THBS1: variants seen among roughly 807,000 people sequenced by gnomAD.
The protein encoded by THBS1 is thrombospondin 1, also known as thrombospondin-1.
In THBS1, 29 loss-of-function variants were observed where a neutral mutation model predicts 126.1. The observed-to-expected ratio is 0.23, with a 90% CI of 0.17 to 0.31. The LOEUF (loss-of-function observed/expected upper bound fraction) is 0.31. Among genes scored for constraint, THBS1 ranks in the 10% least tolerant of loss-of-function variants. The pLI is 1.00. For missense variants in THBS1, 1,198 were observed against 1,545.2 expected, an observed-to-expected ratio of 0.78 and a Z score of 3.77; for synonymous variants, 496 against 577.8, an observed-to-expected ratio of 0.86 and a Z score of 2.03.
At position 39,589,456 on chromosome 15, in the gene THBS1, A is replaced by G. The variant is rs1890284063; in HGVS notation, c.1926+102A>G. The G allele has an allele frequency of 2.1e-6, 3 of 1,442,266 alleles. No individual in the cohort carries two copies. The highest frequency in any genetic ancestry group is 4.6e-5 in the Admixed American group (2 of 43,220). The allele number at this position is 1,442,266 out of a possible 1,614,324, so 89.3% of individuals were successfully genotyped here. A position where few individuals can be genotyped will look rare whatever the true frequency, so the allele number is the denominator to read the frequency against. On this transcript the variant is annotated intron_variant, in intron 12 of 21. Coordinates refer to ENST00000260356, the MANE Select transcript of THBS1 (RefSeq NM_003246.4). This position sits in a 1 kb window ranked among gnomAD's most constrained non-coding sequence, Gnocchi z 4.7. Reference sequence around the variant, plus strand: ...TAATTTCATACCCTTCACCAAAAAAAAAAGGGCGAGGAGATGAATGTACGG... The same window carrying G: ...TAATTTCATACCCTTCACCAAAAAAGAAAGGGCGAGGAGATGAATGTACGG...
intron 7 of THBS1, among the ~76,000 whole-genome samples, chr15:39,586,166 A>AT (rs1890204490): frequency 6.6e-6 from 1 of 152,224 alleles, no homozygotes. Context: ...AAAGTGATTC[A>AT]TTACAACTAA....
rs1890387841 is a variant in THBS1 at position 39,594,263 on chromosome 15, A to C, written c.3366-38A>C. ...GGGACAAAAAGACAAAAAGTATTAAATAGCATTGTCACTAAACAAGATTTT... is the reference window on the plus strand; with the variant it reads ...GGGACAAAAAGACAAAAAGTATTAACTAGCATTGTCACTAAACAAGATTTT... On this transcript the variant is annotated intron_variant, in intron 20 of 21. Coordinates refer to ENST00000260356, the MANE Select transcript of THBS1 (RefSeq NM_003246.4). The surrounding 1 kb of genome is among the most constrained non-coding windows in gnomAD (Gnocchi z 4.4). The C allele has an allele frequency of 6.2e-7, 1 of 1,614,022 alleles. No individual in the cohort carries two copies. Among genetic ancestry groups the C allele is most frequent in the African/African-American group, 1.3e-5 (1 of 75,030 alleles).
rs1010062041 is a variant in THBS1, at chr15:39,598,462, A to C, written c.*3093A>C. On this transcript the variant is annotated 3_prime_UTR_variant, in exon 22 of 22. Transcript: ENST00000260356. ...GAAATAATTCTTTGAAATGGCAAAGAATTAAATACCATCATTCATTATCAG... is the reference window on the plus strand; with the variant it reads ...GAAATAATTCTTTGAAATGGCAAAGCATTAAATACCATCATTCATTATCAG... 6.6e-6 allele frequency: 1 copy of C among 152,248 alleles called. No homozygotes were observed. The highest frequency in any genetic ancestry group is 2.4e-5 in the African/African-American group (1 of 41,458). The allele number at this position is 152,248 out of a possible 1,614,324, so 9.4% of individuals were successfully genotyped here.
At chr15:39,595,093 T>C (rs1208124029) in intron 21 of THBS1, among the ~76,000 whole-genome samples, 1 of 152,250 alleles carries the variant, frequency 6.6e-6, no homozygotes, top group East Asian at 1.9e-4. Flanking sequence ...TGAGTCCAAA[T>C]TTTTAAAATA....
At chr15:39,584,223 CCCTGGAAGGTTTATCGCAGAT>C in intron 5 of THBS1, 36 bp downstream of exon 5, 1 of 1,614,038 alleles carries the variant, frequency 6.2e-7, no homozygotes, top group African/African-American at 1.3e-5. Context: ...TTAGCATGAA[CCCTGGAAGGTTTATCGCAGAT>C]GGTCCCAAAT....
rs765604204 is a variant in THBS1 at position 39,582,403 on chromosome 15, C to T, written c.278C>T (p.Ser93Phe). 3.9e-5 allele frequency: 63 copies of T among 1,613,998 alleles called. No individual in the cohort carries two copies. Among genetic ancestry groups the T allele is most frequent in the Non-Finnish European group, 5.3e-5 (62 of 1,180,000 alleles). Residue 93 changes from serine to phenylalanine, a missense_variant, in exon 3 of 22, where the codon TCC becomes TTC. Ser to Phe is a radical substitution (Grantham distance 155, BLOSUM62 -2). Coordinates refer to ENST00000260356, the MANE Select transcript of THBS1 (RefSeq NM_003246.4). ...GAAAAGGGTTTCCTCCTTCTGGCAT[C>T]CCTGAGGCAGATGAAGAAGACCCGG... ...RAEKGFLLLA[S>F]LRQMKKTRGT...
At position 39,593,754 on chromosome 15, in the gene THBS1, C is replaced by G. The variant is rs1890377072; in HGVS notation, c.3267+86C>G. On this transcript the variant is annotated intron_variant, in intron 19 of 21. Coordinates refer to ENST00000260356, the MANE Select transcript of THBS1 (RefSeq NM_003246.4). This position sits in a 1 kb window ranked among gnomAD's most constrained non-coding sequence, Gnocchi z 5.9. Reference sequence around the variant, plus strand: ...TGCTGTGCTTTGACCAAGACTCTGACCAGGGAGTCTTAGAAAGTTCCCAGC... The same window carrying G: ...TGCTGTGCTTTGACCAAGACTCTGAGCAGGGAGTCTTAGAAAGTTCCCAGC... 1 of 1,525,364 alleles carries G rather than the reference C, an allele frequency of 6.6e-7. No individual in the cohort carries two copies. The highest frequency in any genetic ancestry group is 1.3e-5 in the South Asian group (1 of 78,626). The allele number at this position is 1,525,364 out of a possible 1,614,324, so 94.5% of individuals were successfully genotyped here. A position where few individuals can be genotyped will look rare whatever the true frequency, so the allele number is the denominator to read the frequency against.
rs367765799 is a variant in THBS1 at position 39,584,267 on chromosome 15, G to A, written c.904-33G>A. On this transcript the variant is annotated intron_variant, in intron 5 of 21. Transcript: ENST00000260356. ...GATGGTCCCAAATGACTGAAAATGC[G>A]GGGGGACACTAATGATATTCTCTCC... 1.0e-4 allele frequency: 168 copies of A among 1,613,966 alleles called. 1 individual carries two copies. The Admixed American group carries it at 1.8e-3, about 17-fold the overall frequency.
chr15:39,590,073 T>C, intron 13 of THBS1, 50 bp downstream of exon 13: 2 of 1,435,590 alleles, frequency 1.4e-6, no homozygotes, highest in Non-Finnish European at 1.9e-6. Flanking sequence ...CATCACCTTA[T>C]CAAAACACAG....
rs777143065 is a variant in THBS1 at position 39,582,456 on chromosome 15, G to A, written c.331G>A (p.Asp111Asn). The change falls in exon 3 of 22, where the codon GAC (aspartate) becomes AAC (asparagine). Residue 111 changes from aspartate (D) to asparagine (N), a missense_variant. Asp to Asn is a conservative substitution (Grantham distance 23). Around this residue, in one of 4 missense-constraint regions of THBS1, gnomAD observed 271 missense variants for 277.0 expected, o/e 0.98. Coordinates refer to ENST00000260356, the MANE Select transcript of THBS1 (RefSeq NM_003246.4). ...CACGCTGCTGGCCCTGGAGCGGAAAGACCACTCTGGCCAGGTCTTCAGCGT... is the reference window on the plus strand; with the variant it reads ...CACGCTGCTGGCCCTGGAGCGGAAAAACCACTCTGGCCAGGTCTTCAGCGT... Reference protein sequence around the residue: ...RGTLLALERKDHSGQVFSVVS... With the variant: ...RGTLLALERKNHSGQVFSVVS... The A allele has an allele frequency of 6.2e-7, 1 of 1,614,160 alleles. No homozygotes were observed. Among genetic ancestry groups the A allele is most frequent in the Non-Finnish European group, 8.5e-7 (1 of 1,180,014 alleles).
chr15:39,589,383 G>A lies in THBS1; in HGVS notation c.1926+29G>A. The A allele has an allele frequency of 1.2e-6, 2 of 1,612,422 alleles. No homozygotes were observed. Among genetic ancestry groups the A allele is most frequent in the Non-Finnish European group, 1.7e-6 (2 of 1,179,400 alleles). Reference sequence around the variant, plus strand: ...CAGTCAACTAGACGAGTAAACCAGAGGACAGGAGAGCTGTCCTTGACCAAA... The same window carrying A: ...CAGTCAACTAGACGAGTAAACCAGAAGACAGGAGAGCTGTCCTTGACCAAA... On this transcript the variant is annotated intron_variant, in intron 12 of 21. Transcript: ENST00000260356. This position sits in a 1 kb window ranked among gnomAD's most constrained non-coding sequence, Gnocchi z 4.7.
At chr15:39,591,817 T>C (rs1428970878) in intron 16 of THBS1, among the ~76,000 whole-genome samples, 194 bp downstream of exon 16, 1 of 152,212 alleles carries the variant, frequency 6.6e-6, no homozygotes, top group East Asian at 1.9e-4. Context: ...CTCACAGATC[T>C]TTAGCATGAA....
rs1438591335 is a variant in THBS1 at position 39,589,376 on chromosome 15, AACCAGAGG to A, written c.1926+25_1926+32del. ...ACAGGTACAGTCAACTAGACGAGTA[AACCAGAGG>A]ACAGGAGAGCTGTCCTTGACCAAAA... is the stretch of plus-strand genomic sequence containing the variant. On this transcript the variant is annotated intron_variant, in intron 12 of 21. Coordinates refer to ENST00000260356, the MANE Select transcript of THBS1 (RefSeq NM_003246.4). The surrounding 1 kb of genome is among the most constrained non-coding windows in gnomAD (Gnocchi z 4.7). 6.2e-7 allele frequency: 1 copy of A among 1,613,500 alleles called. No individual in the cohort carries two copies. Among genetic ancestry groups the A allele is most frequent in the Non-Finnish European group, 8.5e-7 (1 of 1,179,912 alleles).
rs1224053284 is a variant in THBS1 at position 39,589,143 on chromosome 15, A to G, written c.1773+57A>G. 8.1e-6 allele frequency: 13 copies of G among 1,612,866 alleles called. No individual in the cohort carries two copies. The highest frequency in any genetic ancestry group is 5.0e-5 in the Admixed American group (3 of 60,002). ...ATCTAGGAAAGCAGCTAACCTGTGC[A>G]GTCGCTTCCTTATGGCAGTGACTTC... On this transcript the variant is annotated intron_variant, in intron 11 of 21. Coordinates refer to ENST00000260356, the MANE Select transcript of THBS1 (RefSeq NM_003246.4). This position sits in a 1 kb window ranked among gnomAD's most constrained non-coding sequence, Gnocchi z 4.7.
chr15:39,593,416 T>A lies in THBS1; in HGVS notation c.3015T>A (p.Ala1005=). 6.2e-7 allele frequency: 1 copy of A among 1,614,196 alleles called. No homozygotes were observed. The change falls in exon 19 of 22, where the codon GCT becomes GCA. Residue 1005 remains alanine (A), a synonymous_variant. Coordinates refer to ENST00000260356, the MANE Select transcript of THBS1 (RefSeq NM_003246.4). This position sits in a 1 kb window ranked among gnomAD's most constrained non-coding sequence, Gnocchi z 5.9. ...TTCCAGGTTATGATGAGTTTAATGC[T>A]GTGGACTTCAGTGGCACCTTCTTCA... ...GLAVGYDEFN[A]VDFSGTFFIN...
chr15:39,582,451 G>A lies in THBS1; in HGVS notation c.326G>A (p.Arg109Gln), dbSNP rs760740907. 5.1e-5 allele frequency: 82 copies of A among 1,614,152 alleles called. 1 individual carries two copies. Among genetic ancestry groups the A allele is most frequent in the Middle Eastern group, 3.3e-4 (2 of 6,062 alleles). ...KTRGTLLALE[R>Q]KDHSGQVFSV... is the part of the protein sequence containing the mutation. The stretch of plus-strand genomic sequence containing the variant: ...CGGGGCACGCTGCTGGCCCTGGAGC[G>A]GAAAGACCACTCTGGCCAGGTCTTC... Residue 109 changes from arginine to glutamine, a missense_variant, in exon 3 of 22, where the codon CGG (arginine) becomes CAG (glutamine). This residue lies in a region of THBS1 where 271 missense variants were observed against 277.0 expected (regional missense o/e 0.98). Transcript: ENST00000260356.
chr15:39,593,438 T>C lies in THBS1; in HGVS notation c.3037T>C (p.Phe1013Leu). The C allele has an allele frequency of 6.2e-7, 1 of 1,614,162 alleles. No homozygotes were observed. The highest frequency in any genetic ancestry group is 8.5e-7 in the Non-Finnish European group (1 of 1,180,022). ...FNAVDFSGTF[F>L]INTERDDDYA... ...TGCTGTGGACTTCAGTGGCACCTTC[T>C]TCATCAACACCGAAAGGGACGATGA... The change falls in exon 19 of 22, where the codon TTC (phenylalanine) becomes CTC (leucine). Residue 1013 changes from phenylalanine to leucine, a missense_variant. Physicochemically the swap from Phe to Leu is conservative, Grantham distance 22. Coordinates refer to ENST00000260356, the MANE Select transcript of THBS1 (RefSeq NM_003246.4). The surrounding 1 kb of genome is among the most constrained non-coding windows in gnomAD (Gnocchi z 5.9).
chr15:39,593,643 G>A lies in THBS1; in HGVS notation c.3242G>A (p.Trp1081Ter). 6.2e-7 allele frequency: 1 copy of A among 1,613,848 alleles called. No individual in the cohort carries two copies. The highest frequency in any genetic ancestry group is 8.5e-7 in the Non-Finnish European group (1 of 1,180,028). The part of the protein sequence containing the change: ...GPGEHLRNAL[W>*]HTGNTPGQVR... ...GGCGAGCACCTGCGGAACGCCCTGT[G>A]GCACACAGGAAACACCCCTGGCCAG... Residue 1081 changes from tryptophan to a stop codon, truncating the protein, a stop_gained, in exon 19 of 22, where the codon TGG becomes TAG. Transcript: ENST00000260356. LOFTEE classifies it high-confidence loss of function. The surrounding 1 kb of genome is among the most constrained non-coding windows in gnomAD (Gnocchi z 5.9).
rs538701122 is a variant in THBS1, at chr15:39,589,523, T to G, written c.1926+169T>G. On this transcript the variant is annotated intron_variant, in intron 12 of 21. Transcript: ENST00000260356. This position sits in a 1 kb window ranked among gnomAD's most constrained non-coding sequence, Gnocchi z 4.7. ...TGATTAGAAAATCCATGGTAAATCC[T>G]GCAGGGGAAAAACAGTCTTCCATAT... Among the ~76,000 whole-genome samples, 5 of 152,288 alleles carry G rather than the reference T, an allele frequency of 3.3e-5. No homozygotes were observed. In the East Asian group the frequency reaches 9.6e-4, roughly 29 times the overall value.
Sources: allele counts gnomAD v4.1 joint callset (sites outside exome capture counted in the v4.1 genomes callset), GRCh38; gene constraint gnomAD v4.1.1; regional missense constraint gnomAD v4.1.1; non-coding constraint Gnocchi (gnomAD v3.1); transcripts MANE v1.5; gene names NCBI Gene and HGNC (gene_info 2026-07-23, HGNC 2026-07-21).